CNTNAP5: variants seen among roughly 807,000 people sequenced by gnomAD.
CNTNAP5 encodes contactin associated protein family member 5, also known as contactin-associated protein-like 5.
A neutral mutation model predicts 150.2 loss-of-function variants in CNTNAP5; 72 were observed. The observed-to-expected ratio is 0.48, with a 90% CI of 0.40 to 0.58. The LOEUF is 0.58. CNTNAP5 is among the 20% of genes least tolerant of loss of function. The pLI, the probability that CNTNAP5 is intolerant of heterozygous loss-of-function variation, is 0.00. For missense variants in CNTNAP5, 1,636 were observed against 1,626.2 expected (o/e 1.01, Z -0.10); for synonymous variants, 672 against 619.8 (o/e 1.08, Z -1.25).
At chr2:124,147,251 T>C (rs746180545) in intron 1 of CNTNAP5, among the ~76,000 whole-genome samples, 1 of 152,204 alleles carries the variant, frequency 6.6e-6, no homozygotes, top group Non-Finnish European at 1.5e-5. Flanking sequence ...GCAAGGTTTG[T>C]TTTCAGTTTT....
At chr2:124,677,078 G>A (rs1573541223) in intron 13 of CNTNAP5, among the ~76,000 whole-genome samples, 1 of 152,156 alleles carries the variant, frequency 6.6e-6, no homozygotes, top group Non-Finnish European at 1.5e-5. Flanking sequence ...GACCCTCGTG[G>A]TGAGTGTTAT....
At chr2:124,253,991 A>T (rs958939850) in intron 3 of CNTNAP5, among the ~76,000 whole-genome samples, 7 of 152,008 alleles carry the variant, frequency 4.6e-5, no homozygotes, top group Non-Finnish European at 8.8e-5. Context: ...ATTTAGGCAA[A>T]TCTGAGTTTG....
At chr2:124,242,504 G>A (rs1686913065) in intron 3 of CNTNAP5, 111 bp downstream of exon 3, 7 of 1,034,328 alleles carry the variant, frequency 6.8e-6, no homozygotes, top group Admixed American at 2.4e-5. Flanking sequence ...AATAACTGGT[G>A]AGTGCCCATT....
chr2:124,541,631 G>A (rs1198800729), intron 10 of CNTNAP5, among the ~76,000 whole-genome samples: 4 of 152,132 alleles, frequency 2.6e-5, no homozygotes, highest in South Asian at 4.1e-4. Flanking sequence ...GAGAACATGT[G>A]GTTGGGAGAA....
At chr2:124,872,688 TAAAAC>T (rs1677777025) in intron 21 of CNTNAP5, among the ~76,000 whole-genome samples, 1 of 151,764 alleles carries the variant, frequency 6.6e-6, no homozygotes, top group Non-Finnish European at 1.5e-5. Flanking sequence ...TTAACCAAAT[TAAAAC>T]ACCCTTAGAA....
intron 1 of CNTNAP5, among the ~76,000 whole-genome samples, chr2:124,044,889 AACACACACACACACACAC>A (rs147761848): frequency 0.02 from 2,919 of 144,072 alleles, 102 homozygotes; most frequent in African/African-American, 0.071. Context: ...GTAGTGAGGA[AACACACACACACACACAC>A]ACACACACAC....
intron 12 of CNTNAP5, among the ~76,000 whole-genome samples, chr2:124,646,067 G>T (rs948780237): frequency 2.0e-5 from 3 of 152,158 alleles, no homozygotes; most frequent in African/African-American, 7.2e-5. Flanking sequence ...TGAGATTTGG[G>T]CAGGGACAAA....
At chr2:124,680,265 A>G (rs550442613) in intron 13 of CNTNAP5, among the ~76,000 whole-genome samples, 4 of 151,790 alleles carry the variant, frequency 2.6e-5, no homozygotes, top group Admixed American at 2.0e-4. Flanking sequence ...GGAAGTTTCC[A>G]TGGTATTCAG....
intron 1 of CNTNAP5, among the ~76,000 whole-genome samples, chr2:124,066,656 CA>C (rs11330744): frequency 0.39 from 58,891 of 150,328 alleles, 11,882 homozygotes; most frequent in Admixed American, 0.45. Flanking sequence ...CAATTTTTAA[CA>C]AAAAAAAAAT....
At chr2:124,775,523 A>T (rs540222551) in intron 17 of CNTNAP5, among the ~76,000 whole-genome samples, 1 of 152,292 alleles carries the variant, frequency 6.6e-6, no homozygotes, top group Admixed American at 6.5e-5. Context: ...GTAATCACTG[A>T]CACAGCTGCC....
intron 13 of CNTNAP5, among the ~76,000 whole-genome samples, chr2:124,710,973 T>C (rs143292428): frequency 6.6e-6 from 1 of 152,294 alleles, no homozygotes; most frequent in African/African-American, 2.4e-5. Flanking sequence ...CCCTTCATTT[T>C]ACAATCTTTC....
At chr2:124,257,114 C>T (rs1434362769) in intron 3 of CNTNAP5, among the ~76,000 whole-genome samples, 1 of 152,138 alleles carries the variant, frequency 6.6e-6, no homozygotes, top group Admixed American at 6.6e-5. Flanking sequence ...AGATTCTTCC[C>T]TGGGGTTTTC....
Position 124,242,087 on chromosome 2 carries a change from G to C in CNTNAP5, c.188-113G>C. 3 of 785,988 alleles carry C rather than the reference G, an allele frequency of 3.8e-6. No homozygotes were observed. In the Admixed American group the frequency reaches 7.5e-5, roughly 20 times the overall value. The allele number at this position is 785,988 out of a possible 1,614,324, so 48.7% of individuals were successfully genotyped here. On this transcript the variant is annotated intron_variant, in intron 2 of 23. Coordinates refer to ENST00000682447, the MANE Select transcript of CNTNAP5 (RefSeq NM_001367498.1). ...AGGCAGGGAAGAGTAGGGCCCATTT[G>C]GGGGTAGAGTCATCTTAGTTGAACA...
At chr2:124,072,433 C>CA (rs1041656088) in intron 1 of CNTNAP5, among the ~76,000 whole-genome samples, 3 of 151,776 alleles carry the variant, frequency 2.0e-5, no homozygotes, top group Non-Finnish European at 4.4e-5. Flanking sequence ...AGAAAGAAAT[C>CA]AAAGTACTTT....
chr2:124,146,834 A>T (rs1406202880), intron 1 of CNTNAP5, among the ~76,000 whole-genome samples: 1 of 152,198 alleles, frequency 6.6e-6, no homozygotes, highest in African/African-American at 2.4e-5. Context: ...TAAAAGTGAT[A>T]TTCTAAATTA....
chr2:124,534,824 G>T (rs4283428), intron 10 of CNTNAP5, among the ~76,000 whole-genome samples: 6 of 152,038 alleles, frequency 3.9e-5, no homozygotes, highest in African/African-American at 1.4e-4. Context: ...TTTATCAGCA[G>T]GGTCTTTATG....
intron 19 of CNTNAP5, among the ~76,000 whole-genome samples, chr2:124,830,884 A>G (rs1167277064): frequency 6.6e-6 from 1 of 152,056 alleles, no homozygotes; most frequent in South Asian, 2.1e-4. Flanking sequence ...GCAATTATGT[A>G]TAATTCACAA....
intron 13 of CNTNAP5, among the ~76,000 whole-genome samples, chr2:124,653,388 A>C (rs2105033701): frequency 6.6e-6 from 1 of 151,442 alleles, no homozygotes; most frequent in East Asian, 1.9e-4. Flanking sequence ...ATAAATATAT[A>C]TGTGTCTGTA....
At chr2:124,241,064 A>C (rs1429626221) in intron 2 of CNTNAP5, among the ~76,000 whole-genome samples, 2 of 152,182 alleles carry the variant, frequency 1.3e-5, no homozygotes, top group Non-Finnish European at 2.9e-5. Context: ...CTTCTATGCT[A>C]TCTCTACCCA....
Sources: allele counts gnomAD v4.1 joint callset (sites outside exome capture counted in the v4.1 genomes callset), GRCh38; gene constraint gnomAD v4.1.1; transcripts MANE v1.5; gene names NCBI Gene and HGNC (gene_info 2026-07-23, HGNC 2026-07-21).